CNTNAP2: variants seen among roughly 807,000 people sequenced by gnomAD.
The protein encoded by CNTNAP2 is contactin associated protein 2, also known as contactin-associated protein-like 2.
Under a neutral mutation model 155.2 loss-of-function variants are expected in CNTNAP2, and 98 were observed. The observed-to-expected ratio is 0.63, with a 90% CI of 0.54 to 0.75. The LOEUF is 0.75. Ranked by LOEUF, CNTNAP2 falls within the 30% of genes least tolerant of loss-of-function variation. CNTNAP2 has a pLI of 0.00. For synonymous variants in CNTNAP2, 651 were observed against 631.2 expected (o/e 1.03, Z -0.47); for missense variants, 1,727 against 1,688.1 (o/e 1.02, Z -0.40).
intron 1 of CNTNAP2, among the ~76,000 whole-genome samples, chr7:146,401,827 TCTC>T (rs1411193977): frequency 6.6e-6 from 1 of 152,110 alleles, no homozygotes; most frequent in Non-Finnish European, 1.5e-5. Context: ...TTCTTACAAA[TCTC>T]CTACAACAAA....
chr7:147,802,945 G>T (rs1448507688), intron 13 of CNTNAP2, among the ~76,000 whole-genome samples: 2 of 151,882 alleles, frequency 1.3e-5, no homozygotes, highest in African/African-American at 2.4e-5. Flanking sequence ...AATAATAATA[G>T]TAATAATTAT....
chr7:147,519,492 A>C (rs532944688), intron 11 of CNTNAP2, among the ~76,000 whole-genome samples: 11 of 152,212 alleles, frequency 7.2e-5, no homozygotes, highest in Non-Finnish European at 1.5e-4. Flanking sequence ...GGTTTAAGGG[A>C]TAGGGCAGCA....
chr7:147,770,140 C>T lies in CNTNAP2; in HGVS notation c.2098+130834C>T, dbSNP rs115012336. 6.0e-3 allele frequency among the ~76,000 whole-genome samples: 917 copies of T among 152,300 alleles called. 11 individuals carry two copies. Among genetic ancestry groups the T allele is most frequent in the African/African-American group, 0.021 (878 of 41,564 alleles). On this transcript the variant is annotated intron_variant, in intron 13 of 23. Transcript: ENST00000361727. ...GTAATTTGTAGTTCAATTCCTTATT[C>T]GTAACCATTGAATGTGGCTCTGCCA...
intron 1 of CNTNAP2, among the ~76,000 whole-genome samples, chr7:146,561,966 T>A (rs1363235545): frequency 6.6e-6 from 1 of 152,006 alleles, no homozygotes; most frequent in East Asian, 1.9e-4. Context: ...ATTTTTTATA[T>A]TTTTTTAGAG....
chr7:147,427,325 C>G (rs1797394387), intron 10 of CNTNAP2, among the ~76,000 whole-genome samples: 1 of 151,998 alleles, frequency 6.6e-6, no homozygotes, highest in African/African-American at 2.4e-5. Flanking sequence ...TCATTCAAAC[C>G]ACTGCAAAAC....
chr7:148,314,823 G>A (rs951528112), intron 21 of CNTNAP2, among the ~76,000 whole-genome samples: 3 of 152,216 alleles, frequency 2.0e-5, no homozygotes, highest in Non-Finnish European at 4.4e-5. Context: ...TGAATAATCA[G>A]GCAGGCGTCC....
chr7:146,915,401 G>T (rs952825120), intron 3 of CNTNAP2, among the ~76,000 whole-genome samples: 1 of 152,078 alleles, frequency 6.6e-6, no homozygotes, highest in African/African-American at 2.4e-5. Flanking sequence ...CTTGCTTTTG[G>T]CAGTATGGTC....
At chr7:146,684,464 A>T (rs1320437528) in intron 1 of CNTNAP2, among the ~76,000 whole-genome samples, 1 of 152,018 alleles carries the variant, frequency 6.6e-6, no homozygotes, top group East Asian at 1.9e-4. Context: ...GAATTTAAAG[A>T]CTTATTTGAC....
At chr7:148,166,995 T>C (rs947796828) in intron 17 of CNTNAP2, among the ~76,000 whole-genome samples, 4 of 152,204 alleles carry the variant, frequency 2.6e-5, no homozygotes, top group African/African-American at 9.7e-5. Context: ...AAAAGTACCT[T>C]CTAGCTCACT....
intron 18 of CNTNAP2, among the ~76,000 whole-genome samples, chr7:148,187,747 G>A (rs1795143121): frequency 6.6e-6 from 1 of 152,056 alleles, no homozygotes; most frequent in African/African-American, 2.4e-5. Context: ...ATCCCAACAT[G>A]AGCTTTTTTT....
chr7:146,666,899 G>A (rs1177172042), intron 1 of CNTNAP2, among the ~76,000 whole-genome samples: 1 of 152,112 alleles, frequency 6.6e-6, no homozygotes, highest in African/African-American at 2.4e-5. Context: ...CTTGTCAGAT[G>A]TAGAGTTTGC....
chr7:147,137,872 C>CATA (rs1331832762), intron 8 of CNTNAP2, among the ~76,000 whole-genome samples: 190 of 118,634 alleles, frequency 1.6e-3, no homozygotes, highest in African/African-American at 5.0e-3. Flanking sequence ...TAGATAGATA[C>CATA]GTAGATAGAT....
At chr7:148,122,585 A>C (rs893786912) in intron 16 of CNTNAP2, among the ~76,000 whole-genome samples, 1 of 152,164 alleles carries the variant, frequency 6.6e-6, no homozygotes, top group East Asian at 1.9e-4. Flanking sequence ...TGAGCACCCA[A>C]TGCACTCTGC....
chr7:146,957,905 A>G (rs1355256528), intron 3 of CNTNAP2, among the ~76,000 whole-genome samples: 2 of 152,216 alleles, frequency 1.3e-5, no homozygotes, highest in Admixed American at 6.5e-5. Flanking sequence ...ATTCTTTATC[A>G]TTCATGATAA....
At chr7:148,269,935 A>T (rs1796744597) in intron 21 of CNTNAP2, among the ~76,000 whole-genome samples, 1 of 152,236 alleles carries the variant, frequency 6.6e-6, no homozygotes, top group South Asian at 2.1e-4. Flanking sequence ...GTTCCTAAAG[A>T]TACTACACTA....
At chr7:146,983,713 G>A (rs1798063215) in intron 3 of CNTNAP2, among the ~76,000 whole-genome samples, 1 of 152,118 alleles carries the variant, frequency 6.6e-6, no homozygotes, top group Non-Finnish European at 1.5e-5. Flanking sequence ...GTCTGTTACG[G>A]TACAGATATC....
At chr7:146,482,385 T>A (rs1358822155) in intron 1 of CNTNAP2, among the ~76,000 whole-genome samples, 1 of 140,534 alleles carries the variant, frequency 7.1e-6, no homozygotes, top group Non-Finnish European at 1.5e-5. Context: ...TATATATGTA[T>A]GTGTGTGTGT....
intron 9 of CNTNAP2, among the ~76,000 whole-genome samples, chr7:147,347,476 G>T (rs1396275023): frequency 2.4e-5 from 1 of 41,464 alleles, no homozygotes; most frequent in Non-Finnish European, 7.8e-5. Flanking sequence ...ATATATATAT[G>T]CATATATATA....
intron 13 of CNTNAP2, among the ~76,000 whole-genome samples, chr7:147,838,262 C>T (rs1363777034): frequency 1.3e-5 from 2 of 152,140 alleles, no homozygotes; most frequent in East Asian, 3.9e-4. Context: ...GGCCTCTGGG[C>T]CTGTGATGGG....
Sources: gnomAD v4.1 joint callset for allele counts (sites outside exome capture counted in the v4.1 genomes callset) on GRCh38, gnomAD v4.1.1 for gene constraint, MANE v1.5 for transcripts, NCBI Gene and HGNC (gene_info 2026-07-23, HGNC 2026-07-21) for gene names.